SEC14L3: variants seen among roughly 807,000 people sequenced by gnomAD.
SEC14L3 encodes SEC14-like protein 3.
SEC14L3 carries 56 observed loss-of-function variants against 57.4 expected under a neutral mutation model. The observed-to-expected ratio is 0.97, with a 90% confidence interval of 0.79 to 1.22. SEC14L3 has a LOEUF of 1.22. Among genes scored for constraint, SEC14L3 ranks in the 50% most tolerant of loss-of-function variants. The probability of loss-of-function intolerance (pLI) is 0.00; values close to 1 mark genes in which losing one functional copy is unlikely to be tolerated. For synonymous variants in SEC14L3, 173 were observed against 194.4 expected, an observed-to-expected ratio of 0.89 and a Z score of 0.92; for missense variants, 485 against 511.7, an observed-to-expected ratio of 0.95 and a Z score of 0.50.
At chr22:30,450,541 G>T (rs1182077747) in intron 12 of SEC14L3, among the ~76,000 whole-genome samples, 1 of 152,118 alleles carries the variant, frequency 6.6e-6, no homozygotes, top group Non-Finnish European at 1.5e-5. Flanking sequence ...GACCTCAAGT[G>T]ATCTACCTGC....
At chr22:30,470,906 G>A (rs1016726127) in intron 1 of SEC14L3, among the ~76,000 whole-genome samples, 2 of 152,178 alleles carry the variant, frequency 1.3e-5, no homozygotes, top group Non-Finnish European at 2.9e-5. Flanking sequence ...TCAGTGAATG[G>A]ACAGAGGAGA....
At chr22:30,470,129 A>G (rs971735330) in intron 3 of SEC14L3, 51 bp from the exon 4 acceptor site, 1 of 1,610,574 alleles carries the variant, frequency 6.2e-7, no homozygotes, top group African/African-American at 1.3e-5. Context: ...GTGCCCTGAG[A>G]ACAGGGATGG....
intron 9 of SEC14L3, 88 bp downstream of exon 9, chr22:30,461,998 A>G (rs905997751): frequency 3.7e-6 from 5 of 1,354,020 alleles, no homozygotes; most frequent in East Asian, 2.4e-5. Flanking sequence ...GCATCTCTCT[A>G]TAGGTAATTG....
chr22:30,466,469 G>A, intron 6 of SEC14L3, 75 bp from the exon 7 acceptor site: 3 of 1,606,548 alleles, frequency 1.9e-6, no homozygotes, highest in Non-Finnish European at 2.6e-6. Context: ...GCAATCTCCT[G>A]TTGGGAGGTT....
At chr22:30,454,051 G>T (rs1002153314) in intron 12 of SEC14L3, among the ~76,000 whole-genome samples, 15 of 152,106 alleles carry the variant, frequency 9.9e-5, no homozygotes, top group Non-Finnish European at 1.5e-5. Flanking sequence ...TGCTTCCCCA[G>T]GCACTCCTGG....
intron 7 of SEC14L3, 51 bp from the exon 8 acceptor site, chr22:30,464,954 AC>A (rs2146112544): frequency 1.2e-6 from 2 of 1,611,858 alleles, no homozygotes; most frequent in East Asian, 4.5e-5. Context: ...ACATTGGGCA[AC>A]CCCCTCCATA....
In SEC14L3 at chr22:30,448,938, T is replaced by C. The variant is rs1934929313; in HGVS notation, c.*149A>G. ...TCCAAAACTTCTTTCCCTTCCTTGG[T>C]CTGCCCTAGGCCCTCTGAGTATAGA... On this transcript the variant is annotated 3_prime_UTR_variant, in exon 13 of 13. Coordinates refer to the SEC14L3 transcript ENST00000403066. 6.0e-6 allele frequency: 4 copies of C among 668,314 alleles called. No individual in the cohort carries two copies. The East Asian group carries it at 1.1e-4, about 18-fold the overall frequency. The allele number at this position is 668,314 out of a possible 1,614,324, so 41.4% of individuals were successfully genotyped here.
At position 30,470,005 on chromosome 22, in the gene SEC14L3, C is replaced by T. The variant is rs188243547; in HGVS notation, c.234+14G>A. ...GTCCGTGAAAGACTGAGGTGTTTGG[C>T]GGTGTTGGCTCACCTCTGGGGGCTG... On this transcript the variant is annotated intron_variant, in intron 4 of 11. Transcript: ENST00000215812. 3,171 of 1,526,768 alleles carry T rather than the reference C, an allele frequency of 2.1e-3. 16 individuals are homozygous for T. The highest frequency in any genetic ancestry group is 2.9e-3 in the Middle Eastern group (16 of 5,584). 94.6% of individuals were successfully genotyped at this position (1,526,768 alleles called of 1,614,324 possible). A position where few individuals can be genotyped will look rare whatever the true frequency, so the allele number is the denominator to read the frequency against.
chr22:30,470,302 C>A, intron 2 of SEC14L3, 47 bp from the exon 3 acceptor site: 1 of 1,604,090 alleles, frequency 6.2e-7, no homozygotes, highest in South Asian at 1.1e-5. Context: ...GATGCCTTGT[C>A]TTACTCCTGG....
In SEC14L3 at chr22:30,461,712, G is replaced by C; in HGVS notation, c.772-18C>G. 1.2e-6 allele frequency: 2 copies of C among 1,607,310 alleles called. No individual in the cohort carries two copies. The highest frequency in any genetic ancestry group is 1.7e-6 in the Non-Finnish European group (2 of 1,176,722). On this transcript the variant is annotated intron_variant, in intron 9 of 11. Coordinates refer to ENST00000215812, the MANE Select transcript of SEC14L3 (RefSeq NM_174975.5). ...TAGTTAATCTGCGGACATGGGATGA[G>C]ATGGGCTTGCTTCCGTCTCCTGGCC...
intron 5 of SEC14L3, among the ~76,000 whole-genome samples, chr22:30,467,521 T>C (rs1169294004): frequency 6.6e-6 from 1 of 152,224 alleles, no homozygotes; most frequent in African/African-American, 2.4e-5. Flanking sequence ...AAAAGTTCAC[T>C]GTCTGGCTGG....
rs145368442 is a variant in SEC14L3 at position 30,468,139 on chromosome 22, C to T, written c.423+369G>A. The stretch of plus-strand genomic sequence containing the variant: ...ATTAAAAACACAAAAATTAGCCCTG[C>T]GTGGTGGCGGGCGCCTGTAATCCCA... On this transcript the variant is annotated intron_variant, in intron 5 of 11. Coordinates refer to ENST00000215812, the MANE Select transcript of SEC14L3 (RefSeq NM_174975.5). Among the ~76,000 whole-genome samples, 356 of 152,062 alleles carry T rather than the reference C, an allele frequency of 2.3e-3. 3 individuals are homozygous for T. The highest frequency in any genetic ancestry group is 8.1e-3 in the African/African-American group (338 of 41,482).
At chr22:30,451,326 A>G (rs11089451) in intron 12 of SEC14L3, among the ~76,000 whole-genome samples, 106,376 of 151,812 alleles carry the variant, frequency 0.7, 38,364 homozygotes, top group African/African-American at 0.87. Context: ...CGGGGAGGGG[A>G]TGGACACTGA....
chr22:30,461,465 G>A lies in SEC14L3; in HGVS notation c.926C>T (p.Ser309Phe). 2 of 1,613,702 alleles carry A rather than the reference G, an allele frequency of 1.2e-6. No individual in the cohort carries two copies. The highest frequency in any genetic ancestry group is 1.7e-6 in the Non-Finnish European group (2 of 1,179,718). ...TCCGAAGCCGATGTCCGCACCATCA[G>A]ATGAGAACTGCCACCTGTCAGGGGG... is the stretch of plus-strand genomic sequence containing the variant. Reference protein sequence around the residue: ...PGCVLRWQFSSDGADIGFGVF... With the variant: ...PGCVLRWQFSFDGADIGFGVF... Residue 309 changes from serine to phenylalanine, a missense_variant, in exon 11 of 12, where the codon TCT becomes TTT. Coordinates refer to ENST00000215812, the MANE Select transcript of SEC14L3 (RefSeq NM_174975.5).
intron 8 of SEC14L3, among the ~76,000 whole-genome samples, chr22:30,464,048 C>T (rs1935344116): frequency 6.6e-6 from 1 of 152,148 alleles, no homozygotes; most frequent in Non-Finnish European, 1.5e-5. Flanking sequence ...AACTTAAAGA[C>T]ATTTCCATGG....
At chr22:30,461,258 G>T in intron 11 of SEC14L3, 52 bp downstream of exon 11, 2 of 1,534,022 alleles carry the variant, frequency 1.3e-6, no homozygotes, top group African/African-American at 2.8e-5. Context: ...CTAAAGCATG[G>T]GACAGGTGGC....
In SEC14L3 at chr22:30,468,710, G is replaced by A. The variant is rs745745416; in HGVS notation, c.235-14C>T. ...CTTCTGGATCACCTGGGCATGAAAAGATGCACAGAACTTGGCATTACACAC... is the reference window on the plus strand; with the variant it reads ...CTTCTGGATCACCTGGGCATGAAAAAATGCACAGAACTTGGCATTACACAC... On this transcript the variant is annotated splice_polypyrimidine_tract_variant and intron_variant, in intron 4 of 11. Coordinates refer to ENST00000215812, the MANE Select transcript of SEC14L3 (RefSeq NM_174975.5). 1 of 1,613,758 alleles carries A rather than the reference G, an allele frequency of 6.2e-7. No individual in the cohort carries two copies.
chr22:30,471,999 A>C lies in SEC14L3; in HGVS notation c.-41T>G. 2 of 1,553,310 alleles carry C rather than the reference A, an allele frequency of 1.3e-6. No homozygotes were observed. The highest frequency in any genetic ancestry group is 2.4e-5 in the South Asian group (2 of 82,622). On this transcript the variant is annotated 5_prime_UTR_variant, in exon 1 of 12. Transcript: ENST00000215812. ...TTGAGGAGTGGTGGCCACTATAGGC[A>C]AGAGGCCAAGCCTAGTTTGTCAGCC...
rs1935201365 is a variant in SEC14L3, at chr22:30,460,043, T to C, written c.1181A>G (p.Asp394Gly). The change falls in exon 12 of 12, where the codon GAT (aspartate) becomes GGT (glycine). Residue 394 changes from aspartate to glycine, a missense_variant. Physicochemically the swap from Asp to Gly is moderately conservative, Grantham distance 94. Transcript: ENST00000215812. ...LLPDEGMQKY[D>G]KELTPV ...CACCTAGACAGGGGTGAGCTCCTTA[T>C]CATATTTCTGCATGCCCTCGTCAGG... The C allele has an allele frequency of 6.2e-7, 1 of 1,614,056 alleles. No homozygotes were observed. The highest frequency in any genetic ancestry group is 8.5e-7 in the Non-Finnish European group (1 of 1,180,022).
Sources: allele counts gnomAD v4.1 joint callset (sites outside exome capture counted in the v4.1 genomes callset), GRCh38; gene constraint gnomAD v4.1.1; transcripts MANE v1.5; gene names NCBI Gene and HGNC (gene_info 2026-07-23, HGNC 2026-07-21).